Variants in AGMO observed in about 807,000 individuals in gnomAD.
AGMO encodes alkylglycerol monooxygenase, also known as glyceryl-ether monooxygenase.
AGMO carries 75 observed loss-of-function variants against 60.2 expected under a neutral mutation model. That is an observed-to-expected ratio of 1.25 (90% CI 1.03 to 1.51). AGMO has a LOEUF of 1.51. Ranked by LOEUF, AGMO falls within the 40% of genes most tolerant of loss-of-function variation. AGMO has a pLI of 0.00. For missense variants in AGMO, 763 were observed against 525.5 expected (o/e 1.45, Z -4.42); for synonymous variants, 261 against 177.1 (o/e 1.47, Z -3.76).
chr7:15,189,836 A>G, the AGMO span, among the ~76,000 whole-genome samples: 2 of 151,380 alleles, frequency 1.3e-5, no homozygotes, highest in African/African-American at 4.8e-5. Flanking sequence ...GTAAACTATC[A>G]GCTTAAAAAT....
chr7:15,381,353 A>G lies in AGMO; in HGVS notation c.1074+4093T>C, dbSNP rs533910524. Among the ~76,000 whole-genome samples the G allele has an allele frequency of 2.6e-5, 4 of 152,148 alleles. No homozygotes were observed. The East Asian group carries it at 7.7e-4, about 29-fold the overall frequency. On this transcript the variant is annotated intron_variant, in intron 10 of 12. Coordinates refer to ENST00000342526, the MANE Select transcript of AGMO (RefSeq NM_001004320.2). Reference sequence around the variant, plus strand: ...ACAAGAAAAAGACAAGCAATCCCATAAAAAAGTGGGCGAAGAACACGAACC... The same window carrying G: ...ACAAGAAAAAGACAAGCAATCCCATGAAAAAGTGGGCGAAGAACACGAACC...
intron 3 of AGMO, among the ~76,000 whole-genome samples, chr7:15,467,785 C>T (rs1049849786): frequency 1.3e-5 from 2 of 152,066 alleles, no homozygotes; most frequent in African/African-American, 4.8e-5. Context: ...ATTCATAATT[C>T]TATAATTTTA....
chr7:15,349,270 C>G (rs1218862904), intron 12 of AGMO, among the ~76,000 whole-genome samples: 6 of 152,138 alleles, frequency 3.9e-5, no homozygotes, highest in Non-Finnish European at 5.9e-5. Context: ...CTCCCACTAA[C>G]AGATTTGTCC....
chr7:15,139,600 T>C, the AGMO span, among the ~76,000 whole-genome samples: 1 of 150,930 alleles, frequency 6.6e-6, no homozygotes, highest in Non-Finnish European at 1.5e-5. Context: ...CAATTTTTTA[T>C]TCTTGGTAGT....
intron 5 of AGMO, among the ~76,000 whole-genome samples, chr7:15,405,687 C>T (rs1010461411): frequency 4.0e-5 from 6 of 151,824 alleles, no homozygotes; most frequent in Admixed American, 6.6e-5. Flanking sequence ...CATTAATCCA[C>T]GTAACACTCT....
intron 12 of AGMO, among the ~76,000 whole-genome samples, chr7:15,325,097 G>C (rs1372429014): frequency 6.6e-6 from 1 of 152,082 alleles, no homozygotes; most frequent in Non-Finnish European, 1.5e-5. Flanking sequence ...TTATTGGTAA[G>C]TAACATTTGA....
At chr7:15,218,493 G>C in intron 12 of AGMO, among the ~76,000 whole-genome samples, 1 of 151,858 alleles carries the variant, frequency 6.6e-6, no homozygotes, top group Non-Finnish European at 1.5e-5. Flanking sequence ...GGAAGGAAAA[G>C]AATGTGGTTG....
chr7:15,547,536 G>T (rs1000769484), intron 2 of AGMO, among the ~76,000 whole-genome samples: 2 of 151,958 alleles, frequency 1.3e-5, no homozygotes, highest in Admixed American at 6.6e-5. Context: ...TTCCCTTTCC[G>T]AGTCAAAGAA....
the AGMO span, among the ~76,000 whole-genome samples, chr7:15,137,223 G>A: frequency 6.6e-6 from 1 of 152,142 alleles, no homozygotes; most frequent in Non-Finnish European, 1.5e-5. Flanking sequence ...TCTCTAGAAA[G>A]CTTTGCATAT....
intron 12 of AGMO, among the ~76,000 whole-genome samples, chr7:15,349,641 G>GA (rs1782163107): frequency 6.6e-6 from 1 of 152,048 alleles, no homozygotes; most frequent in Non-Finnish European, 1.5e-5. Flanking sequence ...CTGCTATGAA[G>GA]AAAAATACTC....
chr7:15,195,314 G>T, the AGMO span, among the ~76,000 whole-genome samples: 1 of 152,162 alleles, frequency 6.6e-6, no homozygotes, highest in Admixed American at 6.6e-5. Context: ...AGAGAAAAGA[G>T]AATAGCTTTT....
chr7:15,143,458 C>T, the AGMO span, among the ~76,000 whole-genome samples: 2 of 152,164 alleles, frequency 1.3e-5, no homozygotes, highest in African/African-American at 4.8e-5. Context: ...CATGGCATGA[C>T]ACACTGGATG....
intron 3 of AGMO, among the ~76,000 whole-genome samples, chr7:15,469,658 T>C (rs1782392625): frequency 6.6e-6 from 1 of 152,084 alleles, no homozygotes; most frequent in South Asian, 2.1e-4. Context: ...ATTGTCTCAA[T>C]GTGACAGAAT....
At chr7:15,421,861 T>A (rs1213094352) in intron 4 of AGMO, among the ~76,000 whole-genome samples, 1 of 152,064 alleles carries the variant, frequency 6.6e-6, no homozygotes, top group Non-Finnish European at 1.5e-5. Flanking sequence ...TACAGGTGTG[T>A]CCACAGTGGG....
chr7:15,518,864 C>A (rs1330887505), intron 3 of AGMO, among the ~76,000 whole-genome samples: 1 of 151,784 alleles, frequency 6.6e-6, no homozygotes, highest in Admixed American at 6.6e-5. Context: ...TAATAAAAAA[C>A]TCCTCCAAGC....
intron 3 of AGMO, among the ~76,000 whole-genome samples, chr7:15,457,363 T>C (rs961762054): frequency 2.6e-5 from 4 of 152,164 alleles, no homozygotes; most frequent in African/African-American, 9.6e-5. Flanking sequence ...GTTAATTTTG[T>C]TTAATCTTGG....
chr7:15,270,746 A>AAG (rs1404573740), intron 12 of AGMO, among the ~76,000 whole-genome samples: 8 of 151,060 alleles, frequency 5.3e-5, no homozygotes, highest in African/African-American at 1.9e-4. Flanking sequence ...GTCAGTGTCC[A>AAG]GAAGAGTTTT....
chr7:15,366,858 A>C (rs1223568272), intron 10 of AGMO, among the ~76,000 whole-genome samples: 1 of 152,000 alleles, frequency 6.6e-6, no homozygotes, highest in African/African-American at 2.4e-5. Flanking sequence ...GAGCCAAGGG[A>C]AAGAATGAGT....
intron 12 of AGMO, among the ~76,000 whole-genome samples, chr7:15,246,817 C>T (rs904419805): frequency 9.9e-5 from 15 of 152,122 alleles, no homozygotes; most frequent in African/African-American, 3.6e-4. Context: ...CTCTTGAAAG[C>T]CAAGCTTCTA....
Sources: allele counts gnomAD v4.1 joint callset (sites outside exome capture counted in the v4.1 genomes callset), GRCh38; gene constraint gnomAD v4.1.1; transcripts MANE v1.5; gene names NCBI Gene and HGNC (gene_info 2026-07-23, HGNC 2026-07-21).